MIIP: variants seen among roughly 807,000 people sequenced by gnomAD.
MIIP encodes migration and invasion inhibitory protein.
MIIP carries 44 observed loss-of-function variants against 44.8 expected under a neutral mutation model. The observed-to-expected ratio is 0.98, with a 90% confidence interval of 0.77 to 1.26. The LOEUF is 1.26. MIIP is among the 50% of genes most tolerant of loss of function. The probability of loss-of-function intolerance (pLI) is 0.00; values close to 1 mark genes in which losing one functional copy is unlikely to be tolerated. For synonymous variants in MIIP, 225 were observed against 218.3 expected, an observed-to-expected ratio of 1.03 and a Z score of -0.27; for missense variants, 496 against 511.7, an observed-to-expected ratio of 0.97 and a Z score of 0.30.
chr1:12,022,263 C>G lies in MIIP; in HGVS notation c.283C>G (p.Leu95Val). The G allele has an allele frequency of 3.7e-6, 6 of 1,613,686 alleles. No individual in the cohort carries two copies. Among genetic ancestry groups the G allele is most frequent in the Non-Finnish European group, 5.1e-6 (6 of 1,179,886 alleles). ...TGTGGCCAGATCGGGGGTGGCCTCT[C>G]TCCCACCTGCCAAATGCCAGCACCA... Reference protein sequence around the residue: ...RDVARSGVASLPPAKCQHQES... With the variant: ...RDVARSGVASVPPAKCQHQES... Residue 95 changes from leucine (L) to valine (V), a missense_variant, in exon 3 of 10, where the codon CTC (leucine) becomes GTC (valine). Coordinates refer to ENST00000235332, the MANE Select transcript of MIIP (RefSeq NM_021933.4).
At position 12,028,936 on chromosome 1, in the gene MIIP, G is replaced by A. The variant is rs750472954; in HGVS notation, c.548-97G>A. 4.7e-5 allele frequency: 46 copies of A among 973,478 alleles called. No individual in the cohort carries two copies. The Middle Eastern group carries it at 1.9e-3, about 40-fold the overall frequency. 60.3% of individuals were successfully genotyped at this position (973,478 alleles called of 1,614,324 possible). ...GTAGGGATGAAGCAGGTGGCCTGGG[G>A]TGCCAGGGCTGATCGTCTCTCCAAG... is the stretch of plus-strand genomic sequence containing the variant. On this transcript the variant is annotated intron_variant, in intron 4 of 9. Transcript: ENST00000235332.
intron 4 of MIIP, among the ~76,000 whole-genome samples, chr1:12,024,594 A>G (rs1640061536): frequency 6.6e-6 from 1 of 152,042 alleles, no homozygotes; most frequent in Non-Finnish European, 1.5e-5. Flanking sequence ...TTGTATTTTT[A>G]GTAGAGAAGG....
rs752543971 is a variant in MIIP at position 12,030,137 on chromosome 1, G to T, written c.942+13G>T. ...GGCCCTGCCCCGGGTGAGCAGCCACGTGGGGCTGGATGGTGATGAGGGCGG... is the reference window on the plus strand; with the variant it reads ...GGCCCTGCCCCGGGTGAGCAGCCACTTGGGGCTGGATGGTGATGAGGGCGG... On this transcript the variant is annotated intron_variant, in intron 8 of 9. Coordinates refer to ENST00000235332, the MANE Select transcript of MIIP (RefSeq NM_021933.4). 1.9e-6 allele frequency: 3 copies of T among 1,610,800 alleles called. No homozygotes were observed. The highest frequency in any genetic ancestry group is 4.5e-5 in the East Asian group (2 of 44,868).
chr1:12,021,759 G>T lies in MIIP; in HGVS notation c.33G>T (p.Arg11=), dbSNP rs1639980455. MVEAEELAQL[R]LLNLELLRQL... ...AGGCTGAGGAACTGGCACAGCTGCG[G>T]CTGCTCAATCTGGAGCTCCTGAGGC... Residue 11 remains arginine, a synonymous_variant, in exon 2 of 10, where the codon CGG becomes CGT. Transcript: ENST00000235332. 2 of 1,612,960 alleles carry T rather than the reference G, an allele frequency of 1.2e-6. No individual in the cohort carries two copies. Among genetic ancestry groups the T allele is most frequent in the African/African-American group, 2.7e-5 (2 of 74,906 alleles).
Position 12,021,765 on chromosome 1 carries a change from C to T in MIIP, c.39C>T (p.Leu13=), listed in dbSNP as rs558095183. Residue 13 remains leucine, a synonymous_variant, in exon 2 of 10, where the codon CTC becomes CTT. Coordinates refer to ENST00000235332, the MANE Select transcript of MIIP (RefSeq NM_021933.4). ...EAEELAQLRL[L]NLELLRQLWV... ...AGGAACTGGCACAGCTGCGGCTGCT[C>T]AATCTGGAGCTCCTGAGGCAGCTGT... The T allele has an allele frequency of 5.6e-6, 9 of 1,613,110 alleles. No homozygotes were observed. In the South Asian group the frequency reaches 7.7e-5, roughly 14 times the overall value.
chr1:12,023,081 T>TTTTG (rs1640019211), intron 4 of MIIP, among the ~76,000 whole-genome samples, 164 bp downstream of exon 4: 1 of 148,646 alleles, frequency 6.7e-6, no homozygotes, highest in African/African-American at 2.5e-5. Context: ...TTTTTTTTTT[T>TTTTG]GAGACGGAGT....
rs368509433 is a variant in MIIP at position 12,022,289 on chromosome 1, G to T, written c.309G>T (p.Gln103His). ...TCCCACCTGCCAAATGCCAGCACCA[G>T]GAGTCCCTGGGCCGACCGAGACCCC... ...ASLPPAKCQH[Q>H]ESLGRPRPHS... The change falls in exon 3 of 10, where the codon CAG becomes CAT. Residue 103 changes from glutamine to histidine, a missense_variant. Coordinates refer to ENST00000235332, the MANE Select transcript of MIIP (RefSeq NM_021933.4). 1.0e-4 allele frequency: 163 copies of T among 1,613,740 alleles called. No individual in the cohort carries two copies. The highest frequency in any genetic ancestry group is 1.3e-4 in the Non-Finnish European group (156 of 1,180,008).
In MIIP at chr1:12,028,910, A is replaced by G. The variant is rs879276058; in HGVS notation, c.548-123A>G. 5 of 743,828 alleles carry G rather than the reference A, an allele frequency of 6.7e-6. No individual in the cohort carries two copies. In the East Asian group the frequency reaches 7.9e-5, roughly 12 times the overall value. The allele number at this position is 743,828 out of a possible 1,614,324, so 46.1% of individuals were successfully genotyped here. ...GGCCCTCCTGGCCTGTTTGAGGCAC[A>G]GTAGGGATGAAGCAGGTGGCCTGGG... is the stretch of plus-strand genomic sequence containing the variant. On this transcript the variant is annotated intron_variant, in intron 4 of 9. Coordinates refer to ENST00000235332, the MANE Select transcript of MIIP (RefSeq NM_021933.4).
At chr1:12,021,506 C>T (rs142758717) in intron 1 of MIIP, 139 bp from the exon 2 acceptor site, 146 of 568,298 alleles carry the variant, frequency 2.6e-4, no homozygotes, top group African/African-American at 2.4e-3. Flanking sequence ...ATACTGTTGT[C>T]GTCCAGCAGA....
intron 4 of MIIP, 125 bp downstream of exon 4, chr1:12,023,042 T>C (rs2100896928): frequency 5.1e-6 from 3 of 590,904 alleles, no homozygotes; most frequent in Non-Finnish European, 8.7e-6. Flanking sequence ...CGTGCCATCC[T>C]CCGTGGGGAG....
chr1:12,031,991 AG>A lies in MIIP; in HGVS notation c.*186del. The A allele has an allele frequency of 1.6e-6, 1 of 615,710 alleles. No individual in the cohort carries two copies. The highest frequency in any genetic ancestry group is 2.8e-5 in the East Asian group (1 of 35,872). 38.1% of individuals were successfully genotyped at this position (615,710 alleles called of 1,614,324 possible). A position where few individuals can be genotyped will look rare whatever the true frequency, so the allele number is the denominator to read the frequency against. ...CCAGAGAGGGAGGACCCTGGGGTGG[AG>A]GGTGAGGGATTCTGTGGAAGTTTGT... On this transcript the variant is annotated 3_prime_UTR_variant, in exon 10 of 10. Coordinates refer to ENST00000235332, the MANE Select transcript of MIIP (RefSeq NM_021933.4).
intron 9 of MIIP, 60 bp downstream of exon 9, chr1:12,031,463 C>A: frequency 6.3e-7 from 1 of 1,584,450 alleles, no homozygotes; most frequent in Non-Finnish European, 8.6e-7. Flanking sequence ...GACCTCGCAG[C>A]AGGCCTGGGG....
In MIIP at chr1:12,029,107, A is replaced by G. The variant is rs1441744901; in HGVS notation, c.622A>G (p.Thr208Ala). 6.2e-7 allele frequency: 1 copy of G among 1,614,058 alleles called. No homozygotes were observed. Among genetic ancestry groups the G allele is most frequent in the African/African-American group, 1.3e-5 (1 of 75,036 alleles). ...CTCCAAGCTGCAGGAGTTTCGGGAA[A>G]CCAACAAGGAGGAGTGTATCTGCAG... is the stretch of plus-strand genomic sequence containing the variant. Reference protein sequence around the residue: ...FFSKLQEFRETNKEECICSHP... With the variant: ...FFSKLQEFREANKEECICSHP... The change falls in exon 5 of 10, where the codon ACC (threonine) becomes GCC (alanine). Residue 208 changes from threonine to alanine, a missense_variant. Coordinates refer to ENST00000235332, the MANE Select transcript of MIIP (RefSeq NM_021933.4).
At chr1:12,025,022 C>A (rs958944064) in intron 4 of MIIP, among the ~76,000 whole-genome samples, 1 of 139,444 alleles carries the variant, frequency 7.2e-6, no homozygotes, top group African/African-American at 2.8e-5. Context: ...TGTCAGAATT[C>A]CCTTCCTTTT....
chr1:12,025,683 G>A (rs1342097784), intron 4 of MIIP, among the ~76,000 whole-genome samples: 6 of 152,064 alleles, frequency 3.9e-5, no homozygotes, highest in African/African-American at 9.7e-5. Flanking sequence ...GTGACCTCCC[G>A]TCTTTCTTCC....
intron 2 of MIIP, 105 bp from the exon 3 acceptor site, chr1:12,021,990 T>C (rs754349754): frequency 1.8e-4 from 247 of 1,374,980 alleles, no homozygotes; most frequent in Non-Finnish European, 2.2e-4. Context: ...CCTTGGTCAC[T>C]GCTGAGGCCG....
chr1:12,021,953 T>C, intron 2 of MIIP, 113 bp downstream of exon 2: 1 of 1,242,074 alleles, frequency 8.1e-7, no homozygotes, highest in Non-Finnish European at 1.1e-6. Flanking sequence ...TGATGGGACA[T>C]TGAGGGCTGG....
At chr1:12,031,157 T>TG in intron 8 of MIIP, 109 bp from the exon 9 acceptor site, 1 of 1,352,626 alleles carries the variant, frequency 7.4e-7, no homozygotes, top group Non-Finnish European at 1.0e-6. Context: ...CCTGCCTTGG[T>TG]GGGGGCCTCC....
intron 6 of MIIP, 176 bp from the exon 7 acceptor site, chr1:12,029,589 C>T: frequency 1.1e-6 from 1 of 911,892 alleles, no homozygotes; most frequent in Non-Finnish European, 1.6e-6. Flanking sequence ...TCCCTCCCCA[C>T]CCCTTAGGGC....
Sources: gnomAD v4.1 joint callset for allele counts (sites outside exome capture counted in the v4.1 genomes callset) on GRCh38, gnomAD v4.1.1 for gene constraint, MANE v1.5 for transcripts, NCBI Gene and HGNC (gene_info 2026-07-23, HGNC 2026-07-21) for gene names.